Variants in SLC12A1 observed in about 807,000 individuals in gnomAD.
The protein encoded by SLC12A1 is Na-K-2Cl cotransporter.
A neutral mutation model predicts 130.4 loss-of-function variants in SLC12A1; 89 were observed. The observed-to-expected ratio is 0.68, with a 90% CI of 0.58 to 0.81. The LOEUF (loss-of-function observed/expected upper bound fraction) is 0.81. Among genes scored for constraint, SLC12A1 ranks in the 40% least tolerant of loss-of-function variants. SLC12A1 has a pLI of 0.00. For missense variants in SLC12A1, 1,310 were observed against 1,336.4 expected, an observed-to-expected ratio of 0.98 and a Z score of 0.31; for synonymous variants, 499 against 460.0, an observed-to-expected ratio of 1.08 and a Z score of -1.09.
chr15:48,265,382 TC>T lies in SLC12A1; in HGVS notation c.2155-2178del, dbSNP rs1369594439. Among the ~76,000 whole-genome samples, 9 of 152,374 alleles carry T rather than the reference TC, an allele frequency of 5.9e-5. No individual in the cohort carries two copies. The South Asian group carries it at 1.7e-3, about 28-fold the overall frequency. ...GGGTTCACAGTCACTGTGGTACAAC[TC>T]ACTACACTGATGGTTCAAAGTATTT... On this transcript the variant is annotated intron_variant, in intron 17 of 26. Transcript: ENST00000380993.
At chr15:48,230,888 G>A (rs2041367839) in intron 7 of SLC12A1, among the ~76,000 whole-genome samples, 1 of 152,210 alleles carries the variant, frequency 6.6e-6, no homozygotes. Context: ...GAGAACATAA[G>A]AGAGGCAAAA....
At chr15:48,278,934 T>C (rs2041983837) in intron 20 of SLC12A1, among the ~76,000 whole-genome samples, 1 of 152,248 alleles carries the variant, frequency 6.6e-6, no homozygotes, top group African/African-American at 2.4e-5. Flanking sequence ...GGCAGTGAAC[T>C]GCATCCCCTT....
intron 20 of SLC12A1, among the ~76,000 whole-genome samples, 165 bp downstream of exon 20, chr15:48,274,818 C>CA (rs897664926): frequency 5.9e-5 from 9 of 152,290 alleles, no homozygotes; most frequent in Non-Finnish European, 1.2e-4. Context: ...GTATTTTCTT[C>CA]AATGCTAAGA....
intron 9 of SLC12A1, among the ~76,000 whole-genome samples, chr15:48,240,022 T>C (rs1432197762): frequency 2.3e-5 from 1 of 43,552 alleles, no homozygotes; most frequent in Non-Finnish European, 5.0e-5. Context: ...TATATATATA[T>C]ATATATCCAT....
At chr15:48,244,972 A>T in intron 11 of SLC12A1, 68 bp downstream of exon 11, 1 of 1,433,836 alleles carries the variant, frequency 7.0e-7, no homozygotes, top group Admixed American at 1.8e-5. Flanking sequence ...ATAGAGTAAG[A>T]TTTCTGAATC....
chr15:48,281,221 T>C (rs1332711752), intron 20 of SLC12A1, among the ~76,000 whole-genome samples: 1 of 152,234 alleles, frequency 6.6e-6, no homozygotes, highest in East Asian at 1.9e-4. Flanking sequence ...AGTACCTACG[T>C]CACAGATTTG....
At chr15:48,301,501 T>TTGGGGGGG in intron 26 of SLC12A1, 119 bp downstream of exon 26, 1 of 448,626 alleles carries the variant, frequency 2.2e-6, no homozygotes. Context: ...TGTGTTTTTT[T>TTGGGGGGG]TGGGGGGGGG....
intron 15 of SLC12A1, among the ~76,000 whole-genome samples, chr15:48,254,240 T>C (rs2041678508): frequency 2.0e-5 from 3 of 152,134 alleles, no homozygotes; most frequent in African/African-American, 7.2e-5. Flanking sequence ...GAAGTTTTAA[T>C]GCTTTGGAAA....
intron 4 of SLC12A1, chr15:48,224,617 G>A (rs186942100): frequency 6.6e-6 from 1 of 152,180 alleles, no homozygotes; most frequent in African/African-American, 2.4e-5. Flanking sequence ...GATGCCTGTG[G>A]TGCCTTTGTC....
chr15:48,264,563 A>G (rs2041811195), intron 17 of SLC12A1, among the ~76,000 whole-genome samples: 1 of 152,174 alleles, frequency 6.6e-6, no homozygotes, highest in Non-Finnish European at 1.5e-5. Flanking sequence ...TATGATGTTA[A>G]TAAAATAGTG....
chr15:48,238,515 C>CAG (rs1438278861), intron 9 of SLC12A1, among the ~76,000 whole-genome samples: 1 of 152,026 alleles, frequency 6.6e-6, no homozygotes, highest in Non-Finnish European at 1.5e-5. Context: ...AATCAAAAGA[C>CAG]AGTGGGGCCA....
In SLC12A1 at chr15:48,220,759, T is replaced by C. The variant is rs773211719; in HGVS notation, c.546T>C (p.Gly182=). ...AGVVKFGWVK[G]VLVRCMLNIW... ...TTGTGAAGTTTGGATGGGTGAAAGG[T>C]GTGCTGGTGAGAAAGCTCTTCTGTT... is the stretch of plus-strand genomic sequence containing the variant. Residue 182 remains glycine (G), a synonymous_variant, in exon 3 of 27, where the codon GGT becomes GGC. Coordinates refer to ENST00000380993, the MANE Select transcript of SLC12A1 (RefSeq NM_000338.3). 1.2e-6 allele frequency: 2 copies of C among 1,613,908 alleles called. No individual in the cohort carries two copies. Among genetic ancestry groups the C allele is most frequent in the Non-Finnish European group, 1.7e-6 (2 of 1,179,852 alleles).
chr15:48,242,335 C>T (rs571423266), intron 10 of SLC12A1, among the ~76,000 whole-genome samples: 1 of 152,304 alleles, frequency 6.6e-6, no homozygotes, highest in East Asian at 1.9e-4. Context: ...AAAACAGCTC[C>T]AGGCTGGACC....
intron 26 of SLC12A1, among the ~76,000 whole-genome samples, chr15:48,302,411 G>A (rs7162936): frequency 2.0e-4 from 30 of 151,194 alleles, no homozygotes; most frequent in Non-Finnish European, 4.0e-4. Context: ...ATGAGGTCAG[G>A]AGATCGAGAC....
At chr15:48,252,207 A>AAATAAG (rs145864539) in intron 15 of SLC12A1, among the ~76,000 whole-genome samples, 4 of 152,046 alleles carry the variant, frequency 2.6e-5, no homozygotes, top group Admixed American at 2.6e-4. Context: ...CTGTCTCAAA[A>AAATAAG]AATAAGAATA....
At chr15:48,244,981 T>G in intron 11 of SLC12A1, 77 bp downstream of exon 11, 3 of 1,317,872 alleles carry the variant, frequency 2.3e-6, no homozygotes, top group Non-Finnish European at 3.2e-6. Context: ...GATTTCTGAA[T>G]CTGCAACTGA....
In SLC12A1 at chr15:48,285,248, AG is replaced by A. The variant is rs780729120; in HGVS notation, c.2629+1del. On this transcript the variant is annotated frameshift_variant and splice_region_variant, in exon 21 of 27. Transcript: ENST00000380993. LOFTEE classifies it high-confidence loss of function. ...LNITKTTPKK[D>X]GSINTSQSMH... ...ACATTACTAAGACAACGCCTAAAAAAGGTAAGAACTTTTTAAAATTTGCAAA... is the reference window on the plus strand; with the variant it reads ...ACATTACTAAGACAACGCCTAAAAAAGTAAGAACTTTTTAAAATTTGCAAA... 3.7e-6 allele frequency: 6 copies of A among 1,613,292 alleles called. 1 individual carries two copies. The South Asian group carries it at 6.6e-5, about 18-fold the overall frequency.
chr15:48,262,355 G>T (rs897396945), intron 17 of SLC12A1, among the ~76,000 whole-genome samples: 4 of 152,068 alleles, frequency 2.6e-5, no homozygotes, highest in Admixed American at 2.6e-4. Flanking sequence ...GATGTGGGTG[G>T]GTAGAGGGAA....
chr15:48,285,170 T>G lies in SLC12A1; in HGVS notation c.2550T>G (p.Cys850Trp). The change falls in exon 21 of 27, where the codon TGT becomes TGG. Residue 850 changes from cysteine (C) to tryptophan (W), a missense_variant. Transcript: ENST00000380993. ...ALEATIKDNECEEESGGIRGL... is the reference protein window; with the variant it reads ...ALEATIKDNEWEEESGGIRGL... Reference sequence around the variant, plus strand: ...AAGCGACTATCAAAGATAATGAGTGTGAAGAGGAAAGTGGAGGCATCCGAG... The same window carrying G: ...AAGCGACTATCAAAGATAATGAGTGGGAAGAGGAAAGTGGAGGCATCCGAG... 6.2e-7 allele frequency: 1 copy of G among 1,613,688 alleles called. No homozygotes were observed. Among genetic ancestry groups the G allele is most frequent in the East Asian group, 2.2e-5 (1 of 44,868 alleles).
Sources: gnomAD v4.1 joint callset for allele counts (sites outside exome capture counted in the v4.1 genomes callset) on GRCh38, gnomAD v4.1.1 for gene constraint, MANE v1.5 for transcripts, NCBI Gene and HGNC (gene_info 2026-07-23, HGNC 2026-07-21) for gene names.